ALDH1L1: variants seen among roughly 807,000 people sequenced by gnomAD.
ALDH1L1 encodes the protein cytosolic 10-formyltetrahydrofolate dehydrogenase.
A neutral mutation model predicts 101.1 loss-of-function variants in ALDH1L1; 68 were observed. The observed-to-expected ratio is 0.67, with a 90% CI of 0.55 to 0.82. ALDH1L1 has a LOEUF of 0.82. ALDH1L1 is among the 40% of genes least tolerant of loss of function. The probability of loss-of-function intolerance (pLI) is 0.00; values close to 1 mark genes in which losing one functional copy is unlikely to be tolerated. For missense variants in ALDH1L1, 1,087 were observed against 1,172.7 expected (o/e 0.93, Z 1.07); for synonymous variants, 486 against 470.8 (o/e 1.03, Z -0.42).
In ALDH1L1 at chr3:126,112,785, T is replaced by A. The variant is rs779275886; in HGVS notation, c.2178A>T (p.Arg726Ser). Residue 726 changes from arginine (R) to serine (S), a missense_variant, in exon 19 of 23, where the codon AGA becomes AGT. This residue lies in a region of ALDH1L1 where 442 missense variants were observed against 535.7 expected (regional missense o/e 0.83). Transcript: ENST00000393434. ...CAGACCCTGGGGCAGGACTTACCAC[T>A]CTCCGCACGAACTCATCATGAATGG... ...EDSIHDEFVR[R>S]VVEEVRKMKV... 6.2e-7 allele frequency: 1 copy of A among 1,612,936 alleles called. No individual in the cohort carries two copies. Among genetic ancestry groups the A allele is most frequent in the Non-Finnish European group, 8.5e-7 (1 of 1,179,934 alleles).
Position 126,112,517 on chromosome 3 carries a change from C to G in ALDH1L1, c.2181+265G>C, listed in dbSNP as rs576331042. ...CTGCACTGAATTCTTGCCCCAGGCTCTATTTCTAGGGGACCAACCCAAGAT... is the reference window on the plus strand; with the variant it reads ...CTGCACTGAATTCTTGCCCCAGGCTGTATTTCTAGGGGACCAACCCAAGAT... On this transcript the variant is annotated intron_variant, in intron 19 of 22. Transcript: ENST00000393434. 1.7e-4 allele frequency among the ~76,000 whole-genome samples: 26 copies of G among 152,336 alleles called. No homozygotes were observed. The South Asian group carries it at 5.0e-3, about 29-fold the overall frequency.
chr3:126,110,339 T>C lies in ALDH1L1; in HGVS notation c.2182-230A>G, dbSNP rs551467341. 1.5e-4 allele frequency: 86 copies of C among 584,274 alleles called. 1 individual carries two copies. The highest frequency in any genetic ancestry group is 1.4e-3 in the African/African-American group (77 of 53,686). The allele number at this position is 584,274 out of a possible 1,614,324, so 36.2% of individuals were successfully genotyped here. On this transcript the variant is annotated intron_variant, in intron 19 of 22. Coordinates refer to ENST00000393434, the MANE Select transcript of ALDH1L1 (RefSeq NM_012190.4). Reference sequence around the variant, plus strand: ...AAGGAGACAGGAGCCCAGCAACATATGGGCTGGAAATGGAGACATACAGGG... The same window carrying C: ...AAGGAGACAGGAGCCCAGCAACATACGGGCTGGAAATGGAGACATACAGGG...
chr3:126,118,634 C>G (rs1265312002), intron 16 of ALDH1L1, among the ~76,000 whole-genome samples: 1 of 152,174 alleles, frequency 6.6e-6, no homozygotes, highest in East Asian at 1.9e-4. Context: ...TCAACCCACT[C>G]CCCACATGGC....
At chr3:126,178,046 G>GA (rs57203005) in intron 1 of ALDH1L1, among the ~76,000 whole-genome samples, 38,695 of 149,644 alleles carry the variant, frequency 0.26, 5,963 homozygotes, top group African/African-American at 0.44. Context: ...GTTTCAAAAA[G>GA]AAAAAAGCTG....
At chr3:126,151,841 G>A in intron 7 of ALDH1L1, 1 of 161,968 alleles carries the variant, frequency 6.2e-6, no homozygotes. Flanking sequence ...GGGGAGCAGG[G>A]TGTGTGTGCT....
At chr3:126,114,495 C>T in intron 18 of ALDH1L1, 62 bp downstream of exon 18, 5 of 1,322,034 alleles carry the variant, frequency 3.8e-6, no homozygotes, top group Non-Finnish European at 5.0e-6. Flanking sequence ...GACAGGGCCT[C>T]CTGGTCCCTA....
intron 16 of ALDH1L1, among the ~76,000 whole-genome samples, chr3:126,120,854 T>C (rs2108210379): frequency 6.6e-6 from 1 of 152,152 alleles, no homozygotes. Context: ...AAAGGTATCA[T>C]ATATCAGACC....
chr3:126,147,599 C>A (rs558099492), intron 8 of ALDH1L1, among the ~76,000 whole-genome samples: 2 of 152,344 alleles, frequency 1.3e-5, no homozygotes, highest in South Asian at 4.1e-4. Flanking sequence ...GCTCTCTGGG[C>A]AGGCTGCTGG....
intron 12 of ALDH1L1, among the ~76,000 whole-genome samples, chr3:126,134,831 T>C (rs2080394075): frequency 6.6e-6 from 1 of 152,136 alleles, no homozygotes; most frequent in Admixed American, 6.5e-5. Flanking sequence ...AAGACACCTG[T>C]GTTCTCGGCT....
intron 2 of ALDH1L1, chr3:126,159,466 T>C (rs2080994789): frequency 2.2e-6 from 1 of 456,606 alleles, no homozygotes; most frequent in Non-Finnish European, 4.4e-6. Flanking sequence ...GGAACACTTC[T>C]TTGTATTCAG....
rs1382159966 is a variant in ALDH1L1 at position 126,131,399 on chromosome 3, C to T, written c.1608G>A (p.Trp536Ter). 2 of 1,604,178 alleles carry T rather than the reference C, an allele frequency of 1.2e-6. No individual in the cohort carries two copies. The highest frequency in any genetic ancestry group is 8.5e-7 in the Non-Finnish European group (1 of 1,172,146). Residue 536 changes from tryptophan (W) to a stop codon, truncating the protein, a stop_gained, in exon 13 of 23, where the codon TGG (tryptophan) becomes TGA (stop). Transcript: ENST00000393434. LOFTEE classifies it high-confidence loss of function. ...SIQTFRYFAGWCDKIQGSTIP... is the reference protein window; with the variant it reads ...SIQTFRYFAG ...TGGGCCCCACCTGGATCTTGTCACA[C>T]CAGCCAGCAAAGTAGCGGAAGGTCT...
intron 22 of ALDH1L1, 24 bp downstream of exon 22, chr3:126,105,702 A>G (rs1375912016): frequency 6.2e-7 from 1 of 1,613,510 alleles, no homozygotes; most frequent in South Asian, 1.1e-5. Flanking sequence ...AATGAAAGCA[A>G]CCCCACAGGC....
intron 17 of ALDH1L1, 82 bp from the exon 18 acceptor site, chr3:126,114,738 T>C: frequency 7.6e-7 from 1 of 1,309,392 alleles, no homozygotes; most frequent in East Asian, 2.3e-5. Flanking sequence ...GGGACCTGGG[T>C]AGGCCCAAAG....
chr3:126,131,617 C>G, intron 12 of ALDH1L1, 83 bp from the exon 13 acceptor site: 1 of 1,469,274 alleles, frequency 6.8e-7, no homozygotes, highest in Non-Finnish European at 9.2e-7. Context: ...CTTCAAGGAG[C>G]TGGGGTCCTG....
In ALDH1L1 at chr3:126,147,958, T is replaced by C. The variant is rs147778300; in HGVS notation, c.985-1032A>G. 1.5e-3 allele frequency among the ~76,000 whole-genome samples: 232 copies of C among 152,192 alleles called. 2 individuals carry two copies. Among genetic ancestry groups the C allele is most frequent in the African/African-American group, 5.4e-3 (226 of 41,524 alleles). On this transcript the variant is annotated intron_variant, in intron 8 of 22. Coordinates refer to ENST00000393434, the MANE Select transcript of ALDH1L1 (RefSeq NM_012190.4). The stretch of plus-strand genomic sequence containing the variant: ...CGACACCTTCCCCTGACTCCCCAGC[T>C]AATATTTAAGTCCTGGGCATCCTTA...
intron 9 of ALDH1L1, among the ~76,000 whole-genome samples, chr3:126,146,110 G>C (rs1453922233): frequency 6.6e-6 from 1 of 152,180 alleles, no homozygotes; most frequent in African/African-American, 2.4e-5. Context: ...ATGGTCAATT[G>C]CAAAACTGGT....
rs555135376 is a variant in ALDH1L1 at position 126,124,267 on chromosome 3, A to G, written c.1888+97T>C. The G allele has an allele frequency of 1.8e-5, 20 of 1,117,484 alleles. No homozygotes were observed. In the East Asian group the frequency reaches 5.3e-4, roughly 30 times the overall value. 69.2% of individuals were successfully genotyped at this position (1,117,484 alleles called of 1,614,324 possible). On this transcript the variant is annotated intron_variant, in intron 16 of 22. Transcript: ENST00000393434. ...CCCCCGCCTGGGCTCTCCCCAGGCT[A>G]CTCTGCCCTCACGCCACTATCCAGT...
chr3:126,177,387 G>T (rs2081380855), intron 1 of ALDH1L1, among the ~76,000 whole-genome samples: 1 of 152,128 alleles, frequency 6.6e-6, no homozygotes, highest in African/African-American at 2.4e-5. Flanking sequence ...AAAAGAAATG[G>T]GTTACCAAGT....
At chr3:126,141,627 C>T (rs192905562) in intron 9 of ALDH1L1, among the ~76,000 whole-genome samples, 4 of 152,002 alleles carry the variant, frequency 2.6e-5, no homozygotes, top group South Asian at 2.1e-4. Context: ...GAAGAACACA[C>T]GAGAAACTAG....
Sources: allele counts gnomAD v4.1 joint callset (sites outside exome capture counted in the v4.1 genomes callset), GRCh38; gene constraint gnomAD v4.1.1; regional missense constraint gnomAD v4.1.1; transcripts MANE v1.5; gene names NCBI Gene and HGNC (gene_info 2026-07-23, HGNC 2026-07-21).